Variants in PLXNB3 observed in about 807,000 individuals in gnomAD.
PLXNB3 encodes plexin-B3.
Under a neutral mutation model 125.7 loss-of-function variants are expected in PLXNB3, and 80 were observed. The observed-to-expected ratio is 0.64, with a 90% CI of 0.53 to 0.77. PLXNB3 has a LOEUF of 0.77. Among genes scored for constraint, PLXNB3 ranks in the 30% least tolerant of loss-of-function variants. PLXNB3 has a pLI of 0.00. For synonymous variants in PLXNB3, 954 were observed against 783.3 expected, an observed-to-expected ratio of 1.22 and a Z score of -3.64; for missense variants, 1,836 against 1,729.3, an observed-to-expected ratio of 1.06 and a Z score of -1.09.
rs782798049 is a variant in PLXNB3 at position 153,774,953 on chromosome X, C to G, written c.4005C>G (p.Thr1335=). 8.4e-7 allele frequency: 1 copy of G among 1,192,039 alleles called. No homozygotes were observed. Among genetic ancestry groups the G allele is most frequent in the Non-Finnish European group, 1.1e-6 (1 of 884,568 alleles). ...GSGIPFLDYR[T]YAERAFFPGH... ...GGATCCCCTTCCTGGACTACCGCAC[C>G]TACGCCGAGCGCGCCTTCTTCCCTG... The change falls in exon 24 of 36, where the codon ACC becomes ACG. Residue 1335 remains threonine, a synonymous_variant. Transcript: ENST00000361971.
Position 153,771,887 on chromosome X carries a change from T to C in PLXNB3, c.2541T>C (p.Pro847=), listed in dbSNP as rs951076705. 8.3e-6 allele frequency: 10 copies of C among 1,209,200 alleles called. No individual in the cohort carries two copies. Among genetic ancestry groups the C allele is most frequent in the Non-Finnish European group, 1.1e-5 (10 of 895,054 alleles). The change falls in exon 15 of 36, where the codon CCT becomes CCC. Residue 847 remains proline, a synonymous_variant. Coordinates refer to ENST00000361971, the MANE Select transcript of PLXNB3 (RefSeq NM_005393.3). The part of the protein sequence containing the change: ...IDAVEPLTGP[P]EGGLALTILG... ...AGGTCGAGCCCCTGACCGGTCCCCC[T>C]GAGGGAGGCTTGGCCCTCACCATCC...
chrX:153,772,205 C>A lies in PLXNB3; in HGVS notation c.2693C>A (p.Ala898Asp). Residue 898 changes from alanine to aspartate, a missense_variant, in exon 16 of 36, where the codon GCC becomes GAC. Physicochemically the swap from Ala to Asp is moderately radical, Grantham distance 126 (BLOSUM62 -2). Transcript: ENST00000361971. ...SARIVCVTSP[A>D]PNGTTGPVRV... ...AGGATTGTGTGTGTGACATCTCCTG[C>A]CCCCAATGGCACCACTGGGCCCGTC... 1 of 1,207,046 alleles carries A rather than the reference C, an allele frequency of 8.3e-7. No individual in the cohort carries two copies. The highest frequency in any genetic ancestry group is 1.1e-6 in the Non-Finnish European group (1 of 893,528).
In PLXNB3 at chrX:153,773,009, T is replaced by C; in HGVS notation, c.2899T>C (p.Cys967Arg). 8 of 1,178,774 alleles carry C rather than the reference T, an allele frequency of 6.8e-6. No homozygotes were observed. Among genetic ancestry groups the C allele is most frequent in the Non-Finnish European group, 9.1e-6 (8 of 881,445 alleles). ...CAGTGCCTTCGTGGGTGGCCAACCC[T>C]GTCCCATGTGAGTCCCGGCCTGGCT... ...NTSAFVGGQP[C>R]PILEPVCPEA... is the part of the protein sequence containing the mutation. Residue 967 changes from cysteine to arginine, a missense_variant, in exon 17 of 36, where the codon TGT (cysteine) becomes CGT (arginine). Coordinates refer to ENST00000361971, the MANE Select transcript of PLXNB3 (RefSeq NM_005393.3).
intron 7 of PLXNB3, 75 bp from the exon 8 acceptor site, chrX:153,770,017 C>T (rs1182909706): frequency 5.3e-5 from 63 of 1,185,666 alleles, no homozygotes; most frequent in Non-Finnish European, 6.7e-5. Context: ...GCCTCCCGTC[C>T]TCCTTCCTCT....
chrX:153,770,886 G>A lies in PLXNB3; in HGVS notation c.2136+3G>A, dbSNP rs782309947. Reference sequence around the variant, plus strand: ...TGCGGAACCTTCAACATTTCCGAGTGAGCCATCAGGAGGGAAGGGGACAGG... The same window carrying A: ...TGCGGAACCTTCAACATTTCCGAGTAAGCCATCAGGAGGGAAGGGGACAGG... On this transcript the variant is annotated splice_donor_region_variant and intron_variant, in intron 11 of 35. Coordinates refer to ENST00000361971, the MANE Select transcript of PLXNB3 (RefSeq NM_005393.3). The A allele has an allele frequency of 8.3e-6, 10 of 1,204,109 alleles. No individual in the cohort carries two copies. The highest frequency in any genetic ancestry group is 3.5e-5 in the South Asian group (2 of 56,395).
chrX:153,777,315 G>T lies in PLXNB3; in HGVS notation c.5035G>T (p.Glu1679Ter). ...GAKVRCSSLR[E>*]REPARAKAIP... ...CAAGGTGCGGTGCAGCAGCCTGCGG[G>T]AGCGCGAGCCAGCAAGGGCCAAGGC... Residue 1679 changes from glutamate (E) to a stop codon, truncating the protein, a stop_gained, in exon 30 of 36, where the codon GAG (glutamate) becomes TAG (stop). Transcript: ENST00000361971. LOFTEE classifies it high-confidence loss of function. The T allele has an allele frequency of 8.3e-7, 1 of 1,207,047 alleles. No homozygotes were observed. The highest frequency in any genetic ancestry group is 1.1e-6 in the Non-Finnish European group (1 of 892,616).
Position 153,767,317 on chromosome X carries a change from G to A in PLXNB3, c.490G>A (p.Val164Met). 8.3e-7 allele frequency: 1 copy of A among 1,205,951 alleles called. No homozygotes were observed. The highest frequency in any genetic ancestry group is 1.1e-6 in the Non-Finnish European group (1 of 892,844). ...TGAGGACCCTGGTGACGGGCAGTTT[G>A]TGGCTGCCAATACCCCGGGAGTGGC... The part of the protein sequence containing the change: ...QAEDPGDGQF[V>M]AANTPGVATV... The change falls in exon 3 of 36, where the codon GTG becomes ATG. Residue 164 changes from valine (V) to methionine (M), a missense_variant. Transcript: ENST00000361971.
In PLXNB3 at chrX:153,777,783, T is replaced by C. The variant is rs781820530; in HGVS notation, c.5261+95T>C. 7.7e-5 allele frequency: 83 copies of C among 1,080,380 alleles called. No homozygotes were observed. In the African/African-American group the frequency reaches 1.3e-3, roughly 17 times the overall value. The allele number at this position is 1,080,380 out of a possible 1,213,427, so 89.0% of individuals were successfully genotyped here. ...CCAGGGTGGATGCGCCCACCTGGGG[T>C]TTCTGGAACTTACAGGAAGATCTAG... On this transcript the variant is annotated intron_variant, in intron 31 of 35. Transcript: ENST00000361971.
chrX:153,767,942 C>T (rs1557059983), intron 3 of PLXNB3, 29 bp downstream of exon 3: 1 of 1,076,646 alleles, frequency 9.3e-7, no homozygotes, highest in African/African-American at 1.9e-5. Context: ...CATCCCCCCT[C>T]TCTGTGGATG....
intron 3 of PLXNB3, 73 bp downstream of exon 3, chrX:153,767,986 G>A (rs1281946044): frequency 3.9e-6 from 4 of 1,026,276 alleles, no homozygotes; most frequent in Admixed American, 8.1e-5. Context: ...AGGGGTGCCT[G>A]CCCATGGGAA....
chrX:153,768,746 C>T (rs781951982), intron 4 of PLXNB3, among the ~76,000 whole-genome samples: 1 of 112,381 alleles, frequency 8.9e-6, no homozygotes, highest in Admixed American at 9.3e-5. Flanking sequence ...CAGGGTGCCG[C>T]TGCTGCCCCG....
intron 2 of PLXNB3, chrX:153,766,610 T>C: frequency 9.4e-7 from 1 of 1,058,476 alleles, no homozygotes; most frequent in Non-Finnish European, 1.2e-6. Flanking sequence ...ATTCTGTCCT[T>C]GTGTGCTTGT....
intron 30 of PLXNB3, 29 bp from the exon 31 acceptor site, chrX:153,777,499 C>G (rs1441186484): frequency 2.2e-5 from 26 of 1,203,119 alleles, no homozygotes; most frequent in Non-Finnish European, 2.7e-5. Flanking sequence ...ACCCTGCCCT[C>G]CACACAGCCC....
intron 35 of PLXNB3, 52 bp downstream of exon 35, chrX:153,778,726 GGACC>G: frequency 8.8e-7 from 1 of 1,135,623 alleles, no homozygotes; most frequent in Non-Finnish European, 1.2e-6. Flanking sequence ...GGAGGCCCGT[GGACC>G]CTCCCGGGGG....
intron 4 of PLXNB3, 122 bp downstream of exon 4, chrX:153,768,550 C>T: frequency 1.6e-6 from 1 of 638,728 alleles, no homozygotes; most frequent in South Asian, 3.2e-5. Flanking sequence ...CTTTGCCACA[C>T]AGTGACTGCT....
intron 8 of PLXNB3, 27 bp downstream of exon 8, chrX:153,770,275 G>A: frequency 6.6e-6 from 8 of 1,208,220 alleles, no homozygotes; most frequent in Non-Finnish European, 9.0e-6. Context: ...GTAGGGGGCT[G>A]GGATGGAGGC....
chrX:153,773,047 T>A, intron 17 of PLXNB3, 31 bp downstream of exon 17: 1 of 1,146,630 alleles, frequency 8.7e-7, no homozygotes, highest in Non-Finnish European at 1.2e-6. Flanking sequence ...CGTCGGGTGG[T>A]GGGCACTCCC....
At position 153,776,144 on chromosome X, in the gene PLXNB3, G is replaced by A; in HGVS notation, c.4659G>A (p.Glu1553=). 8.3e-7 allele frequency: 1 copy of A among 1,203,402 alleles called. No homozygotes were observed. Among genetic ancestry groups the A allele is most frequent in the East Asian group, 3.0e-5 (1 of 33,405 alleles). The part of the protein sequence containing the change: ...LDTDTITQVK[E]KVLDQVYKGT... ...CGGACACCATCACCCAGGTCAAGGA[G>A]AAGGTGTTGGACCAAGTCTACAAGG... Residue 1553 remains glutamate, a synonymous_variant, in exon 27 of 36, where the codon GAG becomes GAA. Coordinates refer to ENST00000361971, the MANE Select transcript of PLXNB3 (RefSeq NM_005393.3).
rs2091939211 is a variant in PLXNB3 at position 153,772,245 on chromosome X, G to C, written c.2733G>C (p.Lys911Asn). 2 of 1,205,478 alleles carry C rather than the reference G, an allele frequency of 1.7e-6. No homozygotes were observed. Among genetic ancestry groups the C allele is most frequent in the African/African-American group, 1.8e-5 (1 of 56,499 alleles). The change falls in exon 16 of 36, where the codon AAG becomes AAC. Residue 911 changes from lysine (K) to asparagine (N), a missense_variant. By Grantham distance (94) the Lys-to-Asn change is moderately conservative. Coordinates refer to ENST00000361971, the MANE Select transcript of PLXNB3 (RefSeq NM_005393.3). The stretch of plus-strand genomic sequence containing the variant: ...CTGGGCCCGTCCGGGTGGCCATTAA[G>C]AGCCAGCCACCAGGCATCTCAAGCC... The part of the protein sequence containing the change: ...GTTGPVRVAI[K>N]SQPPGISSQH...
Sources: allele counts gnomAD v4.1 joint callset (sites outside exome capture counted in the v4.1 genomes callset), GRCh38; gene constraint gnomAD v4.1.1; transcripts MANE v1.5; gene names NCBI Gene and HGNC (gene_info 2026-07-23, HGNC 2026-07-21).